Variants in AGBL4 observed in about 807,000 individuals in gnomAD.
The protein encoded by AGBL4 is cytosolic carboxypeptidase 6.
In AGBL4, 58 loss-of-function variants were observed where a neutral mutation model predicts 66.4. The ratio of observed to expected loss-of-function variants is 0.87; its 90% CI spans 0.71 to 1.09. AGBL4 has a LOEUF of 1.09. Among genes scored for constraint, AGBL4 ranks in the 50% least tolerant of loss-of-function variants. AGBL4 has a pLI of 0.00. For synonymous variants in AGBL4, 234 were observed against 222.9 expected, an observed-to-expected ratio of 1.05 and a Z score of -0.44; for missense variants, 579 against 631.0, an observed-to-expected ratio of 0.92 and a Z score of 0.88.
intron 6 of AGBL4, among the ~76,000 whole-genome samples, chr1:48,761,956 AGG>A (rs1644275249): frequency 6.6e-6 from 1 of 152,216 alleles, no homozygotes; most frequent in Non-Finnish European, 1.5e-5. Flanking sequence ...AAGGAAGGGC[AGG>A]GGTATCTCCA....
chr1:49,198,716 C>T (rs1442567711), intron 4 of AGBL4, among the ~76,000 whole-genome samples: 1 of 150,816 alleles, frequency 6.6e-6, no homozygotes, highest in African/African-American at 2.4e-5. Flanking sequence ...TGCCATATCA[C>T]GGTTTTTTGA....
chr1:49,202,974 T>G (rs189093993), intron 4 of AGBL4, among the ~76,000 whole-genome samples: 1 of 151,000 alleles, frequency 6.6e-6, no homozygotes, highest in Admixed American at 6.6e-5. Context: ...TTAAAGTAGA[T>G]ATAGAAATGG....
chr1:49,123,530 C>G (rs1379384472), intron 4 of AGBL4, among the ~76,000 whole-genome samples: 1 of 152,150 alleles, frequency 6.6e-6, no homozygotes, highest in Non-Finnish European at 1.5e-5. Context: ...TTTGCTCTCT[C>G]ATAGGATTGC....
chr1:48,939,575 C>T (rs2148913324), intron 5 of AGBL4, among the ~76,000 whole-genome samples: 1 of 152,290 alleles, frequency 6.6e-6, no homozygotes, highest in Middle Eastern at 3.4e-3. Flanking sequence ...TGTTGATCTG[C>T]TCTTTGGAGG....
At chr1:49,306,431 T>C (rs1031688218) in intron 3 of AGBL4, among the ~76,000 whole-genome samples, 1 of 152,182 alleles carries the variant, frequency 6.6e-6, no homozygotes, top group Non-Finnish European at 1.5e-5. Flanking sequence ...CAGCCTCTAG[T>C]CTCTGCTGTA....
At chr1:49,823,865 G>A (rs187278969) in intron 2 of AGBL4, among the ~76,000 whole-genome samples, 2 of 151,016 alleles carry the variant, frequency 1.3e-5, no homozygotes, top group East Asian at 3.9e-4. Context: ...TTTTCTTGGC[G>A]ATATAAAGAA....
chr1:48,916,087 T>C (rs1194453068), intron 5 of AGBL4, among the ~76,000 whole-genome samples: 1 of 152,054 alleles, frequency 6.6e-6, no homozygotes, highest in East Asian at 1.9e-4. Flanking sequence ...ACAGGAACTG[T>C]GTTTGTTTTA....
At chr1:48,797,166 A>C (rs1253780518) in intron 6 of AGBL4, among the ~76,000 whole-genome samples, 1 of 152,234 alleles carries the variant, frequency 6.6e-6, no homozygotes, top group Non-Finnish European at 1.5e-5. Flanking sequence ...CTTCAGACCC[A>C]AAAACCCTTG....
intron 4 of AGBL4, among the ~76,000 whole-genome samples, chr1:49,113,801 T>C (rs995910652): frequency 6.6e-6 from 1 of 152,244 alleles, no homozygotes; most frequent in Non-Finnish European, 1.5e-5. Flanking sequence ...GGTGACCATG[T>C]GCATTGTCAG....
chr1:48,583,294 T>C (rs1297934864), intron 11 of AGBL4, among the ~76,000 whole-genome samples: 7 of 152,356 alleles, frequency 4.6e-5, no homozygotes, highest in Non-Finnish European at 8.8e-5. Context: ...ACCTTTTCAA[T>C]GTCACTTAAT....
intron 4 of AGBL4, among the ~76,000 whole-genome samples, chr1:49,120,787 T>G (rs1225503551): frequency 6.6e-6 from 1 of 152,232 alleles, no homozygotes; most frequent in Non-Finnish European, 1.5e-5. Context: ...CTGGGTAATA[T>G]CCTGAAGAGT....
At chr1:49,330,487 G>T (rs1025787680) in intron 3 of AGBL4, among the ~76,000 whole-genome samples, 1 of 152,152 alleles carries the variant, frequency 6.6e-6, no homozygotes, top group African/African-American at 2.4e-5. Flanking sequence ...GCATTTAAAT[G>T]AAGTTTGGAG....
chr1:49,866,687 C>G (rs1447808380), intron 1 of AGBL4, among the ~76,000 whole-genome samples: 1 of 152,062 alleles, frequency 6.6e-6, no homozygotes, highest in African/African-American at 2.4e-5. Context: ...TCATTTGAAC[C>G]CTGAAGGTGG....
intron 3 of AGBL4, among the ~76,000 whole-genome samples, chr1:49,596,288 C>T (rs761721589): frequency 1.3e-5 from 2 of 152,134 alleles, no homozygotes; most frequent in African/African-American, 4.8e-5. Flanking sequence ...ACGATTAAGC[C>T]TCCTGAGTAG....
intron 10 of AGBL4, among the ~76,000 whole-genome samples, chr1:48,589,312 A>T (rs1219842312): frequency 6.6e-6 from 1 of 152,168 alleles, no homozygotes; most frequent in Non-Finnish European, 1.5e-5. Context: ...TTTGACATTC[A>T]AAAGTTCTGG....
At chr1:48,727,915 G>A in intron 6 of AGBL4, 3 of 1,605,894 alleles carry the variant, frequency 1.9e-6, no homozygotes, top group Non-Finnish European at 2.6e-6. Flanking sequence ...GCTTCCCTTC[G>A]TTCTTCATTT....
At chr1:49,816,917 T>C (rs1645246651) in intron 2 of AGBL4, among the ~76,000 whole-genome samples, 1 of 152,110 alleles carries the variant, frequency 6.6e-6, no homozygotes. Context: ...AGGTCTAAGG[T>C]GAGAGCTGCT....
Position 48,790,680 on chromosome 1 carries a change from A to G in AGBL4, c.634+76511T>C, listed in dbSNP as rs1234501521. Among the ~76,000 whole-genome samples, 6 of 152,318 alleles carry G rather than the reference A, an allele frequency of 3.9e-5. No individual in the cohort carries two copies. In the South Asian group the frequency reaches 1.2e-3, roughly 32 times the overall value. On this transcript the variant is annotated intron_variant, in intron 6 of 13. Transcript: ENST00000371839. Reference sequence around the variant, plus strand: ...AACTCAATCTCAAGTACAACAGTGTAGAGAGGTGAGACATTTAAGAGGTGA... The same window carrying G: ...AACTCAATCTCAAGTACAACAGTGTGGAGAGGTGAGACATTTAAGAGGTGA...
intron 5 of AGBL4, among the ~76,000 whole-genome samples, chr1:49,035,638 T>C (rs193078266): frequency 5.3e-5 from 8 of 152,112 alleles, no homozygotes; most frequent in African/African-American, 1.4e-4. Context: ...GGAGACTGCC[T>C]TTCCCTGGCA....
Sources: gnomAD v4.1 joint callset for allele counts (sites outside exome capture counted in the v4.1 genomes callset) on GRCh38, gnomAD v4.1.1 for gene constraint, MANE v1.5 for transcripts, NCBI Gene and HGNC (gene_info 2026-07-23, HGNC 2026-07-21) for gene names.